Variants in NME9 observed in about 807,000 individuals in gnomAD.
NME9 encodes thioredoxin domain-containing protein 6.
A neutral mutation model predicts 44.4 loss-of-function variants in NME9; 48 were observed. The ratio of observed to expected loss-of-function variants is 1.08; its 90% CI spans 0.86 to 1.37. The LOEUF (loss-of-function observed/expected upper bound fraction) is 1.37, where lower values mean the gene tolerates loss of function less well. Among genes scored for constraint, NME9 ranks in the 40% most tolerant of loss-of-function variants. The probability of loss-of-function intolerance (pLI) is 0.00; values close to 1 mark genes in which losing one functional copy is unlikely to be tolerated. For missense variants in NME9, 325 were observed against 405.2 expected, an observed-to-expected ratio of 0.80 and a Z score of 1.70; for synonymous variants, 139 against 147.1, an observed-to-expected ratio of 0.94 and a Z score of 0.40.
chr3:138,317,393 C>A (rs1243474213), intron 4 of NME9, among the ~76,000 whole-genome samples: 1 of 152,186 alleles, frequency 6.6e-6, no homozygotes, highest in Non-Finnish European at 1.5e-5. Context: ...CCTGACTCTA[C>A]AATGAGGGGC....
At chr3:138,282,635 CAAA>C (rs760470914) in intron 8 of NME9, among the ~76,000 whole-genome samples, 1 of 47,502 alleles carries the variant, frequency 2.1e-5, no homozygotes, top group Non-Finnish European at 4.7e-5. Context: ...GACTCCATCT[CAAA>C]AAAAAAAAAA....
intron 8 of NME9, among the ~76,000 whole-genome samples, chr3:138,272,624 C>T (rs551742118): frequency 6.6e-6 from 1 of 152,236 alleles, no homozygotes; most frequent in African/African-American, 2.4e-5. Context: ...CACCTGTAAT[C>T]TCAGCACTTT....
chr3:138,276,097 G>A (rs1486709079), intron 8 of NME9, among the ~76,000 whole-genome samples: 1 of 152,108 alleles, frequency 6.6e-6, no homozygotes, highest in Non-Finnish European at 1.5e-5. Flanking sequence ...TTTGAATGAG[G>A]GCAAAATGAA....
intron 8 of NME9, chr3:138,270,152 A>G (rs756773364): frequency 3.6e-5 from 54 of 1,509,014 alleles, no homozygotes; most frequent in Non-Finnish European, 4.6e-5. Flanking sequence ...ACTTTTATAT[A>G]TATCATAACT....
chr3:138,303,310 CTG>C lies in NME9; in HGVS notation c.928+195_928+196del, dbSNP rs1165426370. ...TTTAATGAGGTATTAAAAAGCAACA[CTG>C]TTGCTCTATGAGAACACAAAACAGT... On this transcript the variant is annotated intron_variant, in intron 10 of 10. Coordinates refer to ENST00000333911, the MANE Select transcript of NME9 (RefSeq NM_001349018.2). The C allele has an allele frequency of 5.5e-5, 24 of 436,050 alleles. No homozygotes were observed. In the South Asian group the frequency reaches 8.6e-4, roughly 16 times the overall value. The allele number at this position is 436,050 out of a possible 1,614,324, so 27.0% of individuals were successfully genotyped here. A position where few individuals can be genotyped will look rare whatever the true frequency, so the allele number is the denominator to read the frequency against.
intron 10 of NME9, among the ~76,000 whole-genome samples, chr3:138,302,532 C>T (rs1480569059): frequency 6.6e-6 from 1 of 152,190 alleles, no homozygotes; most frequent in Non-Finnish European, 1.5e-5. Context: ...CCTGGAGTGT[C>T]AGTGGGTCTC....
At chr3:138,295,731 G>C (rs964551521) in intron 8 of NME9, 126 of 965,166 alleles carry the variant, frequency 1.3e-4, no homozygotes, top group Middle Eastern at 2.2e-4. Context: ...GTGCCCACCT[G>C]GGCTCACCCC....
intron 8 of NME9, among the ~76,000 whole-genome samples, chr3:138,291,815 T>A (rs569435922): frequency 6.6e-6 from 1 of 152,140 alleles, no homozygotes; most frequent in African/African-American, 2.4e-5. Flanking sequence ...AGGAGTGAAC[T>A]TGGTATGTTC....
At position 138,274,233 on chromosome 3, in the gene NME9, A is replaced by ATGTG. The variant is rs142329302; in HGVS notation, c.746-11651_746-11648dup. On this transcript the variant is annotated intron_variant, in intron 8 of 8. Coordinates refer to the NME9 transcript ENST00000317876. Reference sequence around the variant, plus strand: ...GTATGTATGTGTAATGTGTATATACATGTGTGTGTGTGTGTGTGTGTGTGT... The same window carrying ATGTG: ...GTATGTATGTGTAATGTGTATATACATGTGTGTGTGTGTGTGTGTGTGTGTGTGT... 5.1e-3 allele frequency among the ~76,000 whole-genome samples: 722 copies of ATGTG among 142,338 alleles called. 5 individuals are homozygous for ATGTG. Among genetic ancestry groups the ATGTG allele is most frequent in the African/African-American group, 0.018 (624 of 35,650 alleles). 93.4% of individuals were successfully genotyped at this position (142,338 alleles called of 152,430 possible).
At position 138,318,140 on chromosome 3, in the gene NME9, G is replaced by A. The variant is rs746665301; in HGVS notation, c.267+8C>T. On this transcript the variant is annotated splice_region_variant and intron_variant, in intron 4 of 10. Coordinates refer to ENST00000333911, the MANE Select transcript of NME9 (RefSeq NM_001349018.2). ...GTCAAATAGTTCTGATTCTGAAAAT[G>A]TACTTACTGCATAAAACAGAAAGGT... 6.4e-7 allele frequency: 1 copy of A among 1,550,956 alleles called. No homozygotes were observed. The highest frequency in any genetic ancestry group is 1.1e-5 in the South Asian group (1 of 89,852).
intron 8 of NME9, among the ~76,000 whole-genome samples, chr3:138,289,585 T>C (rs2050750379): frequency 6.6e-6 from 1 of 152,194 alleles, no homozygotes; most frequent in African/African-American, 2.4e-5. Context: ...TAAGGAGGCC[T>C]GTATAGATCA....
chr3:138,312,201 A>G (rs2052747263), intron 6 of NME9, among the ~76,000 whole-genome samples: 1 of 152,202 alleles, frequency 6.6e-6, no homozygotes, highest in Non-Finnish European at 1.5e-5. Flanking sequence ...GCCCAAGGCA[A>G]TTTACAGATT....
intron 8 of NME9, among the ~76,000 whole-genome samples, chr3:138,283,931 G>T (rs2050164912): frequency 6.6e-6 from 1 of 152,094 alleles, no homozygotes; most frequent in African/African-American, 2.4e-5. Context: ...TGGTGGACAG[G>T]GTCTAGGCCT....
chr3:138,281,392 A>G (rs2049913983), intron 8 of NME9, among the ~76,000 whole-genome samples: 1 of 151,474 alleles, frequency 6.6e-6, no homozygotes, highest in Middle Eastern at 3.2e-3. Flanking sequence ...TCCCAGGTTT[A>G]ATAGATTCTC....
intron 8 of NME9, among the ~76,000 whole-genome samples, chr3:138,292,516 A>C (rs949891557): frequency 1.3e-5 from 2 of 152,224 alleles, no homozygotes; most frequent in African/African-American, 4.8e-5. Context: ...ATCTGAAGAT[A>C]AGCACCAACG....
intron 8 of NME9, chr3:138,284,550 G>A (rs540950609): frequency 4.3e-5 from 65 of 1,529,366 alleles, no homozygotes; most frequent in African/African-American, 8.2e-5. Context: ...CCCTTTCACC[G>A]TAGGATTAGA....
At chr3:138,265,136 A>G (rs2048155001) in intron 8 of NME9, among the ~76,000 whole-genome samples, 1 of 151,954 alleles carries the variant, frequency 6.6e-6, no homozygotes, top group Non-Finnish European at 1.5e-5. Context: ...AGCTCAAGTG[A>G]TCCTGCCTTG....
Position 138,329,820 on chromosome 3 carries a change from G to C in NME9, c.-485C>G, listed in dbSNP as rs1233390249. The C allele has an allele frequency of 2.0e-6, 2 of 986,454 alleles. No individual in the cohort carries two copies. Among genetic ancestry groups the C allele is most frequent in the Non-Finnish European group, 2.4e-6 (2 of 830,640 alleles). 61.1% of individuals were successfully genotyped at this position (986,454 alleles called of 1,614,324 possible). A position where few individuals can be genotyped will look rare whatever the true frequency, so the allele number is the denominator to read the frequency against. On this transcript the variant is annotated 5_prime_UTR_variant, in exon 1 of 11. Transcript: ENST00000333911. ...CGACGCGCCCGGAGTCACCAACCGA[G>C]TCTGCCGCGACCTAGCCGCGGTCGT... is the stretch of plus-strand genomic sequence containing the variant.
intron 8 of NME9, among the ~76,000 whole-genome samples, chr3:138,270,436 G>A (rs777145635): frequency 1.3e-5 from 2 of 152,056 alleles, no homozygotes; most frequent in African/African-American, 4.8e-5. Context: ...TTTGTGTAGC[G>A]CCACCTACTT....
Sources: allele counts gnomAD v4.1 joint callset (sites outside exome capture counted in the v4.1 genomes callset), GRCh38; gene constraint gnomAD v4.1.1; transcripts MANE v1.5; gene names NCBI Gene and HGNC (gene_info 2026-07-23, HGNC 2026-07-21).